The following BACH2 variants were observed in gnomAD, a reference collection of about 807,000 sequenced individuals.
BACH2 encodes transcription regulator protein BACH2.
In BACH2, 5 loss-of-function variants were observed where a neutral mutation model predicts 61.8. The observed-to-expected ratio is 0.08, with a 90% CI of 0.04 to 0.17. The LOEUF is 0.17. Ranked by LOEUF, BACH2 falls within the 10% of genes least tolerant of loss-of-function variation. BACH2 has a pLI of 1.00. For synonymous variants in BACH2, 446 were observed against 440.1 expected (o/e 1.01, Z -0.17); for missense variants, 824 against 1,091.1 (o/e 0.76, Z 3.45).
chr6:90,235,597 A>C (rs1770234610), intron 3 of BACH2, among the ~76,000 whole-genome samples: 1 of 152,262 alleles, frequency 6.6e-6, no homozygotes, highest in Admixed American at 6.5e-5. Context: ...GGAGGCAAAG[A>C]GGATCCTTTC....
chr6:90,095,976 C>T (rs1269913291), intron 4 of BACH2, among the ~76,000 whole-genome samples: 3 of 152,134 alleles, frequency 2.0e-5, no homozygotes, highest in African/African-American at 7.2e-5. Flanking sequence ...TCCAAGCTGG[C>T]CTGTCAAGGC....
intron 4 of BACH2, among the ~76,000 whole-genome samples, chr6:90,180,370 A>C (rs552636227): frequency 2.0e-5 from 3 of 152,212 alleles, no homozygotes; most frequent in Non-Finnish European, 4.4e-5. Context: ...TTAAAATTGC[A>C]CTAATACTTA....
intron 4 of BACH2, among the ~76,000 whole-genome samples, chr6:90,176,335 C>G (rs971762576): frequency 6.6e-6 from 1 of 152,018 alleles, no homozygotes; most frequent in Admixed American, 6.5e-5. Context: ...TTACAGGAAA[C>G]AAGAATATGC....
At chr6:90,289,964 T>C (rs1772130869) in intron 1 of BACH2, among the ~76,000 whole-genome samples, 1 of 152,244 alleles carries the variant, frequency 6.6e-6, no homozygotes, top group Non-Finnish European at 1.5e-5. Context: ...ACTTGTATTT[T>C]TTCCAAGTAT....
intron 1 of BACH2, among the ~76,000 whole-genome samples, chr6:90,282,590 T>C (rs1425150083): frequency 1.3e-5 from 2 of 152,234 alleles, no homozygotes; most frequent in Non-Finnish European, 2.9e-5. Flanking sequence ...TCTTTGCTTA[T>C]TGTGAATAGT....
At chr6:90,100,704 C>CACACACATACACACACACAG (rs758094165) in intron 4 of BACH2, among the ~76,000 whole-genome samples, 1 of 66,344 alleles carries the variant, frequency 1.5e-5, no homozygotes, top group South Asian at 4.1e-4. Flanking sequence ...CACACACAGA[C>CACACACATACACACACACAG]ACACACACAC....
At chr6:89,954,164 C>T (rs759378746) in intron 6 of BACH2, among the ~76,000 whole-genome samples, 7 of 152,134 alleles carry the variant, frequency 4.6e-5, no homozygotes, top group Non-Finnish European at 1.0e-4. Flanking sequence ...TCGTAATGAT[C>T]CTATGCTCCT....
At chr6:90,096,225 C>T (rs1273645301) in intron 4 of BACH2, among the ~76,000 whole-genome samples, 1 of 152,118 alleles carries the variant, frequency 6.6e-6, no homozygotes, top group Non-Finnish European at 1.5e-5. Context: ...CGTTTCTGTC[C>T]CTTGACTATG....
At chr6:89,954,314 T>C (rs1368309215) in intron 6 of BACH2, among the ~76,000 whole-genome samples, 2 of 151,996 alleles carry the variant, frequency 1.3e-5, no homozygotes, top group Non-Finnish European at 2.9e-5. Context: ...TTTTTTATTA[T>C]TATTATGCTT....
intron 5 of BACH2, among the ~76,000 whole-genome samples, chr6:90,037,915 G>C (rs1372701052): frequency 6.6e-6 from 1 of 152,180 alleles, no homozygotes; most frequent in Non-Finnish European, 1.5e-5. Flanking sequence ...GCAGAGGTGA[G>C]AGTGATGTGG....
intron 4 of BACH2, among the ~76,000 whole-genome samples, chr6:90,136,914 T>C (rs1051498524): frequency 6.6e-6 from 1 of 151,990 alleles, no homozygotes; most frequent in African/African-American, 2.4e-5. Flanking sequence ...CTTGGACTTA[T>C]GTGAAGAAGC....
intron 6 of BACH2, among the ~76,000 whole-genome samples, chr6:89,999,069 G>T (rs1265595392): frequency 1.3e-5 from 2 of 152,182 alleles, no homozygotes; most frequent in East Asian, 3.8e-4. Context: ...GAGTATTTTG[G>T]TGTGGAAACT....
intron 3 of BACH2, among the ~76,000 whole-genome samples, chr6:90,221,881 G>C (rs1025561849): frequency 6.6e-6 from 1 of 152,168 alleles, no homozygotes; most frequent in Admixed American, 6.5e-5. Flanking sequence ...TGAGGCCAAA[G>C]AGGTAACTGA....
chr6:90,052,904 T>C (rs976551576), intron 5 of BACH2, among the ~76,000 whole-genome samples: 2 of 152,256 alleles, frequency 1.3e-5, no homozygotes, highest in Non-Finnish European at 2.9e-5. Context: ...GCAATTTACA[T>C]ATATTGTGAT....
At chr6:89,992,873 A>G (rs750494216) in intron 6 of BACH2, among the ~76,000 whole-genome samples, 2 of 152,232 alleles carry the variant, frequency 1.3e-5, no homozygotes, top group African/African-American at 4.8e-5. Context: ...ACTCTTTAAC[A>G]CATATTGAAG....
At chr6:90,089,526 T>C (rs916134308) in intron 4 of BACH2, among the ~76,000 whole-genome samples, 1 of 152,110 alleles carries the variant, frequency 6.6e-6, no homozygotes, top group African/African-American at 2.4e-5. Flanking sequence ...GGGAAGCAAA[T>C]GATTTAAGAA....
At position 89,929,359 on chromosome 6, in the gene BACH2, G is replaced by A. The variant is rs560140828; in HGVS notation, c.*3049C>T. The A allele has an allele frequency of 6.6e-6, 1 of 152,444 alleles. No homozygotes were observed. Among genetic ancestry groups the A allele is most frequent in the South Asian group, 2.1e-4 (1 of 4,828 alleles). 9.4% of individuals were successfully genotyped at this position (152,444 alleles called of 1,614,324 possible). On this transcript the variant is annotated 3_prime_UTR_variant, in exon 9 of 9. Transcript: ENST00000257749. ...CAGGCTAGGTTTTAAAATTCCACTT[G>A]AGGCCGTTTGGATTCTGGTCCCCAG...
chr6:90,080,299 G>C (rs1260849847), intron 5 of BACH2, among the ~76,000 whole-genome samples: 1 of 152,018 alleles, frequency 6.6e-6, no homozygotes, highest in East Asian at 1.9e-4. Context: ...GTCTGCGGTG[G>C]CACCACGCTT....
At chr6:90,280,027 T>C (rs1320083644) in intron 1 of BACH2, among the ~76,000 whole-genome samples, 2 of 152,124 alleles carry the variant, frequency 1.3e-5, no homozygotes, top group South Asian at 2.1e-4. Context: ...ATCTCAGATC[T>C]AGAATCTAAA....
Sources: allele counts gnomAD v4.1 joint callset (sites outside exome capture counted in the v4.1 genomes callset), GRCh38; gene constraint gnomAD v4.1.1; transcripts MANE v1.5; gene names NCBI Gene and HGNC (gene_info 2026-07-23, HGNC 2026-07-21).